SGCD: variants seen among roughly 807,000 people sequenced by gnomAD.
The protein encoded by SGCD is delta-sarcoglycan.
SGCD carries 18 observed loss-of-function variants against 36.6 expected under a neutral mutation model. The ratio of observed to expected loss-of-function variants is 0.49; its 90% CI spans 0.34 to 0.73. The LOEUF (loss-of-function observed/expected upper bound fraction) is 0.73, where lower values mean the gene tolerates loss of function less well. SGCD is among the 30% of genes least tolerant of loss of function. SGCD has a pLI of 0.01. For synonymous variants in SGCD, 133 were observed against 130.6 expected (o/e 1.02, Z -0.12); for missense variants, 387 against 346.7 (o/e 1.12, Z -0.92).
chr5:156,730,358 C>G lies in SGCD; in HGVS notation c.576-27223C>G, dbSNP rs116461773. ...AAGCTTAGTAACCATTCGTTATTTT[C>G]CCTGATCCTCTCTATCCTCTCACCC... On this transcript the variant is annotated intron_variant, in intron 7 of 8. Transcript: ENST00000337851. Among the ~76,000 whole-genome samples, 987 of 152,146 alleles carry G rather than the reference C, an allele frequency of 6.5e-3. 2 individuals carry two copies. The highest frequency in any genetic ancestry group is 0.011 in the Non-Finnish European group (728 of 67,944).
At chr5:156,560,430 A>C (rs1329507237) in intron 4 of SGCD, among the ~76,000 whole-genome samples, 1 of 152,134 alleles carries the variant, frequency 6.6e-6, no homozygotes, top group African/African-American at 2.4e-5. Flanking sequence ...TCTGAAATTT[A>C]CTCCAAGCAA....
At chr5:155,835,653 C>T in the SGCD span, among the ~76,000 whole-genome samples, 5 of 152,138 alleles carry the variant, frequency 3.3e-5, 1 homozygote, top group Non-Finnish European at 7.4e-5. Flanking sequence ...TGTGTCTAGT[C>T]TTTTAGCAAA....
chr5:155,918,298 C>T (rs1049597484), intron 1 of SGCD, among the ~76,000 whole-genome samples: 3 of 152,212 alleles, frequency 2.0e-5, no homozygotes, highest in Admixed American at 1.3e-4. Flanking sequence ...CACAGTGGCT[C>T]ACGCCTGTAA....
intron 3 of SGCD, among the ~76,000 whole-genome samples, chr5:156,355,505 G>A (rs1260344452): frequency 1.3e-5 from 2 of 151,418 alleles, no homozygotes; most frequent in African/African-American, 4.9e-5. Context: ...CCTGGGAGGA[G>A]CAAGGTGGAC....
intron 7 of SGCD, among the ~76,000 whole-genome samples, chr5:156,656,939 C>T (rs1243189344): frequency 2.6e-5 from 4 of 152,104 alleles, no homozygotes; most frequent in African/African-American, 4.8e-5. Flanking sequence ...CATAGTAAAT[C>T]TGAACTCCTT....
intron 7 of SGCD, among the ~76,000 whole-genome samples, chr5:156,732,450 A>G (rs374313662): frequency 1.3e-5 from 2 of 152,166 alleles, no homozygotes; most frequent in African/African-American, 4.8e-5. Flanking sequence ...GATTAAGCCT[A>G]CTTATTTGTG....
chr5:155,930,431 G>T (rs2113390044), intron 1 of SGCD, among the ~76,000 whole-genome samples: 1 of 152,288 alleles, frequency 6.6e-6, no homozygotes, highest in African/African-American at 2.4e-5. Flanking sequence ...TCCTGTGTCT[G>T]GAGGACAGCA....
chr5:156,129,238 TG>T (rs1242191248), intron 3 of SGCD, among the ~76,000 whole-genome samples: 1 of 152,240 alleles, frequency 6.6e-6, no homozygotes, highest in Non-Finnish European at 1.5e-5. Context: ...TTACATACTT[TG>T]TTCAAAGTGC....
intron 3 of SGCD, among the ~76,000 whole-genome samples, chr5:156,468,929 T>C (rs963098788): frequency 1.3e-5 from 2 of 152,060 alleles, no homozygotes; most frequent in Admixed American, 1.3e-4. Context: ...GAGGCAGAGG[T>C]TGCAGTAAGC....
chr5:155,904,328 G>C (rs1756453443), intron 1 of SGCD, among the ~76,000 whole-genome samples: 1 of 152,170 alleles, frequency 6.6e-6, no homozygotes, highest in African/African-American at 2.4e-5. Flanking sequence ...TCTTTGCAGA[G>C]CTTCAACCTC....
intron 1 of SGCD, among the ~76,000 whole-genome samples, chr5:155,939,622 G>A (rs1157717644): frequency 1.6e-5 from 2 of 126,202 alleles, no homozygotes; most frequent in Non-Finnish European, 3.3e-5. Context: ...TCCAGCCTGG[G>A]TGACAGAGAG....
intron 7 of SGCD, among the ~76,000 whole-genome samples, chr5:156,674,221 A>T (rs890432473): frequency 1.3e-5 from 2 of 152,326 alleles, no homozygotes; most frequent in Admixed American, 6.5e-5. Context: ...ATGACAACAC[A>T]TTCAATACTT....
chr5:156,214,323 A>G (rs1024649532), intron 3 of SGCD, among the ~76,000 whole-genome samples: 3 of 152,006 alleles, frequency 2.0e-5, no homozygotes, highest in African/African-American at 7.2e-5. Flanking sequence ...AAACTTCTGA[A>G]AAATAAATCA....
At chr5:155,808,209 T>G in the SGCD span, among the ~76,000 whole-genome samples, 1 of 152,346 alleles carries the variant, frequency 6.6e-6, no homozygotes, top group African/African-American at 2.4e-5. Context: ...GTCTTGATTT[T>G]GTGATTTATC....
chr5:156,612,909 A>G (rs886064444), intron 6 of SGCD, among the ~76,000 whole-genome samples: 2 of 152,218 alleles, frequency 1.3e-5, no homozygotes, highest in African/African-American at 4.8e-5. Flanking sequence ...TTCGGGGCCT[A>G]TAAAGACTGC....
chr5:156,553,242 C>A (rs1758868661), intron 4 of SGCD, among the ~76,000 whole-genome samples: 1 of 152,180 alleles, frequency 6.6e-6, no homozygotes, highest in African/African-American at 2.4e-5. Flanking sequence ...TCCCAGTAGG[C>A]CCCACCTCCA....
intron 6 of SGCD, among the ~76,000 whole-genome samples, chr5:156,632,100 C>T (rs536660907): frequency 5.3e-4 from 81 of 152,248 alleles, no homozygotes; most frequent in Admixed American, 5.0e-3. Flanking sequence ...TACAGGTTTC[C>T]TTTAGGCAGT....
At chr5:156,755,361 C>A (rs759089934) in intron 7 of SGCD, among the ~76,000 whole-genome samples, 1 of 152,008 alleles carries the variant, frequency 6.6e-6, no homozygotes, top group Non-Finnish European at 1.5e-5. Context: ...AGAAAGGTAT[C>A]GACATTAGTG....
chr5:155,850,869 C>T, the SGCD span, among the ~76,000 whole-genome samples: 31 of 152,202 alleles, frequency 2.0e-4, no homozygotes, highest in African/African-American at 4.8e-4. Context: ...CTGATGGAAG[C>T]GACAGAAGTA....
Sources: gnomAD v4.1 joint callset for allele counts (sites outside exome capture counted in the v4.1 genomes callset) on GRCh38, gnomAD v4.1.1 for gene constraint, MANE v1.5 for transcripts, NCBI Gene and HGNC (gene_info 2026-07-23, HGNC 2026-07-21) for gene names.